NFAM1: variants seen among roughly 807,000 people sequenced by gnomAD.
NFAM1 encodes NFAT activation molecule 1.
NFAM1 carries 17 observed loss-of-function variants against 29.0 expected under a neutral mutation model. The ratio of observed to expected loss-of-function variants is 0.59; its 90% CI spans 0.40 to 0.88. NFAM1 has a LOEUF of 0.88. Ranked by LOEUF, NFAM1 falls within the 40% of genes least tolerant of loss-of-function variation. The pLI is 0.00. For synonymous variants in NFAM1, 175 were observed against 147.2 expected (o/e 1.19, Z -1.36); for missense variants, 324 against 344.6 (o/e 0.94, Z 0.47).
At chr22:42,411,312 C>T in intron 2 of NFAM1, 95 bp downstream of exon 2, 3 of 988,052 alleles carry the variant, frequency 3.0e-6, no homozygotes, top group South Asian at 3.1e-5. Flanking sequence ...AGCCACTGCG[C>T]CTGGCCCCAT....
Position 42,388,107 on chromosome 22 carries a change from T to C in NFAM1, c.664-1029A>G, listed in dbSNP as rs1289643806. 1.3e-5 allele frequency among the ~76,000 whole-genome samples: 2 copies of C among 152,202 alleles called. No homozygotes were observed. The highest frequency in any genetic ancestry group is 6.5e-5 in the Admixed American group (1 of 15,286). On this transcript the variant is annotated intron_variant, in intron 4 of 5. Coordinates refer to ENST00000329021, the MANE Select transcript of NFAM1 (RefSeq NM_145912.8). The surrounding 1 kb of genome is among the most constrained non-coding windows in gnomAD (Gnocchi z 4.1). ...TCACTCGGGTGTGTCCTAGGCCCACTCACTCTTGGCCCAGCTAAGAAAGGC... is the reference window on the plus strand; with the variant it reads ...TCACTCGGGTGTGTCCTAGGCCCACCCACTCTTGGCCCAGCTAAGAAAGGC...
At chr22:42,425,281 T>G (rs1930587322) in intron 1 of NFAM1, among the ~76,000 whole-genome samples, 1 of 152,160 alleles carries the variant, frequency 6.6e-6, no homozygotes, top group Admixed American at 6.6e-5. Flanking sequence ...TCCCTCAGCC[T>G]TTGAAACCCT....
chr22:42,385,588 C>T (rs1354402376), intron 5 of NFAM1, among the ~76,000 whole-genome samples: 1 of 152,002 alleles, frequency 6.6e-6, no homozygotes, highest in Non-Finnish European at 1.5e-5. Context: ...CAGGGACCCC[C>T]TCCCTCCCTC....
intron 1 of NFAM1, among the ~76,000 whole-genome samples, chr22:42,428,239 C>T (rs1382791500): frequency 6.6e-6 from 1 of 152,162 alleles, no homozygotes; most frequent in Non-Finnish European, 1.5e-5. Flanking sequence ...AGCCACCTCC[C>T]GCTCTGTCCC....
chr22:42,412,746 C>T (rs962455653), intron 1 of NFAM1, among the ~76,000 whole-genome samples: 1 of 152,216 alleles, frequency 6.6e-6, no homozygotes, highest in South Asian at 2.1e-4. Context: ...AAACCTCTCC[C>T]GGACTCTGGG....
chr22:42,405,577 G>A (rs980550143), intron 3 of NFAM1, among the ~76,000 whole-genome samples: 2 of 152,246 alleles, frequency 1.3e-5, no homozygotes, highest in Non-Finnish European at 2.9e-5. Flanking sequence ...CCGGGCACAT[G>A]GCAGGTGCAT....
chr22:42,404,249 G>A (rs1929820200), intron 3 of NFAM1, among the ~76,000 whole-genome samples: 1 of 152,000 alleles, frequency 6.6e-6, no homozygotes, highest in Non-Finnish European at 1.5e-5. Context: ...TCTGCTCTTT[G>A]TCCTCACTGT....
At chr22:42,437,631 C>T in the NFAM1 span, among the ~76,000 whole-genome samples, 3 of 152,196 alleles carry the variant, frequency 2.0e-5, no homozygotes, top group Admixed American at 2.0e-4. Flanking sequence ...CAGGACGGCC[C>T]CAGGGTTGGC....
intron 1 of NFAM1, among the ~76,000 whole-genome samples, chr22:42,428,257 C>T (rs541053751): frequency 2.6e-5 from 4 of 152,230 alleles, no homozygotes; most frequent in East Asian, 1.9e-4. Flanking sequence ...CCCCACTCCG[C>T]GGGCAGCCTT....
At position 42,385,203 on chromosome 22, in the gene NFAM1, G is replaced by C; in HGVS notation, c.771C>G (p.Phe257Leu). 1.9e-6 allele frequency: 3 copies of C among 1,610,468 alleles called. No homozygotes were observed. Among genetic ancestry groups the C allele is most frequent in the Non-Finnish European group, 2.5e-6 (3 of 1,176,652 alleles). ...SPLSQERPHR[F>L]EDDGELNLVY... ...CCAGGTTAAGTTCGCCATCATCTTCGAATCTATGCGGTCTCTCCTGGATAG... is the reference window on the plus strand; with the variant it reads ...CCAGGTTAAGTTCGCCATCATCTTCCAATCTATGCGGTCTCTCCTGGATAG... The change falls in exon 6 of 6, where the codon TTC becomes TTG. Residue 257 changes from phenylalanine to leucine, a missense_variant. Transcript: ENST00000329021.
At chr22:42,397,139 A>C (rs1207551979) in intron 4 of NFAM1, among the ~76,000 whole-genome samples, 1 of 152,194 alleles carries the variant, frequency 6.6e-6, no homozygotes, top group Non-Finnish European at 1.5e-5. Context: ...GGAACGTAGC[A>C]AAAAGAGTGT....
At chr22:42,405,057 G>A (rs1259917646) in intron 3 of NFAM1, among the ~76,000 whole-genome samples, 1 of 152,098 alleles carries the variant, frequency 6.6e-6, no homozygotes, top group African/African-American at 2.4e-5. Context: ...GCACAGGCAG[G>A]GTGGTGAGAG....
chr22:42,391,069 C>A (rs1250656329), intron 4 of NFAM1, among the ~76,000 whole-genome samples: 1 of 152,162 alleles, frequency 6.6e-6, no homozygotes, highest in African/African-American at 2.4e-5. Context: ...TGCATGGAGG[C>A]CACATGCCTC....
intron 3 of NFAM1, among the ~76,000 whole-genome samples, chr22:42,401,540 C>G (rs1929726960): frequency 6.6e-6 from 1 of 151,912 alleles, no homozygotes; most frequent in South Asian, 2.1e-4. Flanking sequence ...TGGGCCGGGG[C>G]AAGGGGTCCC....
intron 2 of NFAM1, chr22:42,410,367 TGA>T: frequency 2.9e-6 from 1 of 347,194 alleles, no homozygotes; most frequent in South Asian, 2.1e-5. Context: ...TTTGAGAATG[TGA>T]TGAAAACTGG....
In NFAM1 at chr22:42,388,467, C is replaced by T. The variant is rs985270827; in HGVS notation, c.664-1389G>A. ...CCCTCCCTCAGAACCTGTTGGACTC[C>T]GGAGCAGAGCCCACCAACAGCCTAA... On this transcript the variant is annotated intron_variant, in intron 4 of 5. Transcript: ENST00000329021. The surrounding 1 kb of genome is among the most constrained non-coding windows in gnomAD (Gnocchi z 4.1). Among the ~76,000 whole-genome samples the T allele has an allele frequency of 2.6e-5, 4 of 152,130 alleles. No individual in the cohort carries two copies. The highest frequency in any genetic ancestry group is 2.4e-5 in the African/African-American group (1 of 41,428).
chr22:42,422,609 A>T (rs1275014006), intron 1 of NFAM1, among the ~76,000 whole-genome samples: 2 of 152,066 alleles, frequency 1.3e-5, no homozygotes, highest in African/African-American at 2.4e-5. Context: ...CAAAACAAAA[A>T]CAAAAAAAGA....
chr22:42,408,967 TTTGGGAGGG>T (rs1929988739), intron 3 of NFAM1, among the ~76,000 whole-genome samples: 1 of 151,792 alleles, frequency 6.6e-6, no homozygotes, highest in African/African-American at 2.4e-5. Flanking sequence ...CTGGAGGGTG[TTTGGGAGGG>T]TGTGTGGGAG....
intron 4 of NFAM1, among the ~76,000 whole-genome samples, chr22:42,387,835 T>C (rs1020886455): frequency 6.6e-6 from 1 of 152,078 alleles, no homozygotes; most frequent in African/African-American, 2.4e-5. Context: ...GGTCCCCCCA[T>C]AGCCCAAGCC....
Sources: allele counts gnomAD v4.1 joint callset (sites outside exome capture counted in the v4.1 genomes callset), GRCh38; gene constraint gnomAD v4.1.1; non-coding constraint Gnocchi (gnomAD v3.1); transcripts MANE v1.5; gene names NCBI Gene and HGNC (gene_info 2026-07-23, HGNC 2026-07-21).